DACT2: variants seen among roughly 807,000 people sequenced by gnomAD.
DACT2 encodes dishevelled binding antagonist of beta catenin 2.
A neutral mutation model predicts 22.2 loss-of-function variants in DACT2; 20 were observed. The ratio of observed to expected loss-of-function variants is 0.90; its 90% CI spans 0.63 to 1.31. The LOEUF (loss-of-function observed/expected upper bound fraction) is 1.31. Among genes scored for constraint, DACT2 ranks in the 50% most tolerant of loss-of-function variants. The pLI is 0.00. For missense variants in DACT2, 1,048 were observed against 1,061.4 expected (o/e 0.99, Z 0.18); for synonymous variants, 463 against 479.8 (o/e 0.96, Z 0.46).
At chr6:168,316,125 T>C (rs1431175376) in intron 1 of DACT2, among the ~76,000 whole-genome samples, 2 of 152,264 alleles carry the variant, frequency 1.3e-5, no homozygotes, top group Non-Finnish European at 2.9e-5. Context: ...GATCTTCTCT[T>C]CCAAAAGGCT....
Position 168,308,004 on chromosome 6 carries a change from T to C in DACT2, c.1753A>G (p.Thr585Ala). The C allele has an allele frequency of 6.4e-7, 1 of 1,550,822 alleles. No homozygotes were observed. The highest frequency in any genetic ancestry group is 8.7e-7 in the Non-Finnish European group (1 of 1,146,698). ...LAVAPQESHR[T>A]SAQALFPFEA... The stretch of plus-strand genomic sequence containing the variant: ...AAGGGGAACAGGGCTTGGGCTGAGG[T>C]CCGGTGGCTCTCCTGCGGGGCCACT... Residue 585 changes from threonine to alanine, a missense_variant, in exon 4 of 4, where the codon ACC becomes GCC. Thr to Ala is a moderately conservative substitution (Grantham distance 58). Coordinates refer to ENST00000366795, the MANE Select transcript of DACT2 (RefSeq NM_214462.5).
rs564543505 is a variant in DACT2, at chr6:168,297,357, G to A, written c.659-2653C>T. On this transcript the variant is annotated intron_variant, in intron 3 of 5. Coordinates refer to the DACT2 transcript ENST00000366796. ...ATCCCCAATTGTCCGGGTGGACCCAGTGTGATAATCACAGGGGTCCTCATG... is the reference window on the plus strand; with the variant it reads ...ATCCCCAATTGTCCGGGTGGACCCAATGTGATAATCACAGGGGTCCTCATG... Among the ~76,000 whole-genome samples the A allele has an allele frequency of 5.9e-5, 9 of 152,308 alleles. No homozygotes were observed. In the South Asian group the frequency reaches 1.9e-3, roughly 32 times the overall value.
chr6:168,309,119 C>G, intron 3 of DACT2, 21 bp from the exon 4 acceptor site: 1 of 1,496,374 alleles, frequency 6.7e-7, no homozygotes, highest in Non-Finnish European at 8.9e-7. Context: ...GAAAAATGAA[C>G]AAACACGTAA....
chr6:168,307,096 G>A lies in DACT2; in HGVS notation c.*336C>T, dbSNP rs1476702886. 2 of 1,090,108 alleles carry A rather than the reference G, an allele frequency of 1.8e-6. No individual in the cohort carries two copies. The highest frequency in any genetic ancestry group is 2.2e-6 in the Non-Finnish European group (2 of 896,302). The allele number at this position is 1,090,108 out of a possible 1,614,324, so 67.5% of individuals were successfully genotyped here. ...GGGAAACACTTCCCCAGCCAGAGGG[G>A]AGTGAGGGCAGGGGAAGCCATGGGA... On this transcript the variant is annotated 3_prime_UTR_variant, in exon 4 of 4. Coordinates refer to ENST00000366795, the MANE Select transcript of DACT2 (RefSeq NM_214462.5). The surrounding 1 kb of genome is among the most constrained non-coding windows in gnomAD (Gnocchi z 5.3).
chr6:168,301,790 T>C (rs1477928725), intron 3 of DACT2, among the ~76,000 whole-genome samples: 1 of 152,216 alleles, frequency 6.6e-6, no homozygotes, highest in East Asian at 1.9e-4. Context: ...ACAACCTTTG[T>C]TTGTCCACAC....
At chr6:168,318,668 G>A (rs1008008383) in intron 1 of DACT2, among the ~76,000 whole-genome samples, 1 of 152,142 alleles carries the variant, frequency 6.6e-6, no homozygotes, top group Middle Eastern at 3.2e-3. Flanking sequence ...TAAGCAGAGG[G>A]GTAATGAGTG....
chr6:168,295,796 G>C (rs535792304), intron 3 of DACT2, among the ~76,000 whole-genome samples: 1 of 152,256 alleles, frequency 6.6e-6, no homozygotes, highest in African/African-American at 2.4e-5. Context: ...GAAAAGCTGC[G>C]ATATTTGGCT....
At chr6:168,294,071 C>T (rs1778956978) in intron 5 of DACT2, 5 of 702,862 alleles carry the variant, frequency 7.1e-6, no homozygotes, top group African/African-American at 3.5e-5. Flanking sequence ...TGAGCACAGA[C>T]CCGCGATGGC....
chr6:168,310,238 G>A lies in DACT2; in HGVS notation c.588C>T (p.Ala196=). ...CATCCTCCACGCTCCCTGGGGGCCTGGCGCCCTCCTCGGTAGCCTGGGGTC... is the reference window on the plus strand; with the variant it reads ...CATCCTCCACGCTCCCTGGGGGCCTAGCGCCCTCCTCGGTAGCCTGGGGTC... ...AWRPQATEEG[A]RPPGSVEDAG... is the part of the protein sequence containing the mutation. Residue 196 remains alanine, a synonymous_variant, in exon 3 of 4, where the codon GCC becomes GCT. Coordinates refer to ENST00000366795, the MANE Select transcript of DACT2 (RefSeq NM_214462.5). 6.4e-7 allele frequency: 1 copy of A among 1,551,190 alleles called. No individual in the cohort carries two copies. Among genetic ancestry groups the A allele is most frequent in the Non-Finnish European group, 8.7e-7 (1 of 1,146,984 alleles).
chr6:168,293,493 A>T, exon 6 of DACT2: 1 of 168,526 alleles, frequency 5.9e-6, no homozygotes, highest in Non-Finnish European at 1.3e-5. Context: ...AAAAATAAAA[A>T]CAAGAAGGAA....
chr6:168,294,577 G>GTGTGTATATATATATATGTATATA (rs1177617130), intron 4 of DACT2: 7 of 114,768 alleles, frequency 6.1e-5, no homozygotes, highest in African/African-American at 4.0e-4. Flanking sequence ...GTGTGTGTGT[G>GTGTGTATATATATATATGTATATA]TATATATATA....
rs1370351082 is a variant in DACT2, at chr6:168,308,571, T to C, written c.1186A>G (p.Arg396Gly). 4 of 1,548,564 alleles carry C rather than the reference T, an allele frequency of 2.6e-6. No homozygotes were observed. The East Asian group carries it at 7.3e-5, about 28-fold the overall frequency. ...REDEGGPAQS[R>G]GAGRGGPQQQ... ...TGGGGCCCGCCCCTGCCGGCACCCC[T>C]GCTCTGAGCTGGCCCTCCCTCGTCC... Residue 396 changes from arginine to glycine, a missense_variant, in exon 4 of 4, where the codon AGG becomes GGG. By Grantham distance (125) the Arg-to-Gly change is moderately radical. Transcript: ENST00000366795.
intron 3 of DACT2, among the ~76,000 whole-genome samples, chr6:168,300,912 G>T (rs1463186797): frequency 6.6e-6 from 1 of 152,162 alleles, no homozygotes; most frequent in African/African-American, 2.4e-5. Context: ...CTTGAACCTG[G>T]GAGGCGGAGG....
rs377529965 is a variant in DACT2, at chr6:168,307,675, G to C, written c.2082C>G (p.Phe694Leu). 1 of 1,549,460 alleles carries C rather than the reference G, an allele frequency of 6.5e-7. No individual in the cohort carries two copies. The highest frequency in any genetic ancestry group is 2.4e-5 in the East Asian group (1 of 40,846). ...GESSDHTTNR[F>L]GDRESSSSDE... is the part of the protein sequence containing the mutation. Reference sequence around the variant, plus strand: ...CGCTGCTGCTGGACTCACGGTCTCCGAATCGGTTGGTGGTGTGGTCACTGG... The same window carrying C: ...CGCTGCTGCTGGACTCACGGTCTCCCAATCGGTTGGTGGTGTGGTCACTGG... Residue 694 changes from phenylalanine to leucine, a missense_variant, in exon 4 of 4, where the codon TTC becomes TTG. Phe to Leu is a conservative substitution (Grantham distance 22). Transcript: ENST00000366795. The surrounding 1 kb of genome is among the most constrained non-coding windows in gnomAD (Gnocchi z 5.3).
At chr6:168,302,656 C>A (rs976690318), downstream of DACT2, among the ~76,000 whole-genome samples, 1 of 152,170 alleles carries the variant, frequency 6.6e-6, no homozygotes, top group Non-Finnish European at 1.5e-5. Flanking sequence ...GATGAGTCTG[C>A]CTTAAGGAGC....
rs190345211 is a variant in DACT2 at position 168,315,212 on chromosome 6, A to G, written c.247-3928T>C. On this transcript the variant is annotated intron_variant, in intron 1 of 3. Transcript: ENST00000366795. ...TCTTCAGGATAAGATTTCACTGCAG[A>G]CTCCCGGAGCCCTTCTGTGTCTCTC... Among the ~76,000 whole-genome samples the G allele has an allele frequency of 2.5e-3, 385 of 152,336 alleles. 2 individuals are homozygous for G. Among genetic ancestry groups the G allele is most frequent in the African/African-American group, 8.7e-3 (363 of 41,570 alleles).
intron 3 of DACT2, 68 bp from the exon 4 acceptor site, chr6:168,309,166 C>T (rs1207340310): frequency 6.9e-7 from 1 of 1,443,688 alleles, no homozygotes; most frequent in African/African-American, 1.4e-5. Context: ...GATTTCATTT[C>T]ATGCGTGGCA....
rs1779288552 is a variant in DACT2, at chr6:168,308,420, G to A, written c.1337C>T (p.Ala446Val). The change falls in exon 4 of 4, where the codon GCC (alanine) becomes GTC (valine). Residue 446 changes from alanine (A) to valine (V), a missense_variant. Coordinates refer to ENST00000366795, the MANE Select transcript of DACT2 (RefSeq NM_214462.5). The part of the protein sequence containing the change: ...TMVQASPSSK[A>V]QQTPSAQDYG... Reference sequence around the variant, plus strand: ...GTCCTGAGCTGAGGGTGTCTGCTGGGCCTTTGAGCTGGGAGAAGCCTGCAC... The same window carrying A: ...GTCCTGAGCTGAGGGTGTCTGCTGGACCTTTGAGCTGGGAGAAGCCTGCAC... The A allele has an allele frequency of 1.9e-6, 3 of 1,551,782 alleles. No individual in the cohort carries two copies. The highest frequency in any genetic ancestry group is 1.7e-4 in the Middle Eastern group (1 of 5,992).
chr6:168,311,882 G>A (rs1484460729), intron 1 of DACT2, among the ~76,000 whole-genome samples: 6 of 152,194 alleles, frequency 3.9e-5, no homozygotes, highest in Admixed American at 6.5e-5. Context: ...CCTGCGTAAG[G>A]GTTTACTCTC....
Sources: allele counts gnomAD v4.1 joint callset (sites outside exome capture counted in the v4.1 genomes callset), GRCh38; gene constraint gnomAD v4.1.1; non-coding constraint Gnocchi (gnomAD v3.1); transcripts MANE v1.5; gene names NCBI Gene and HGNC (gene_info 2026-07-23, HGNC 2026-07-21).